The following EPSTI1 variants were observed in gnomAD, a reference collection of about 807,000 sequenced individuals.
The protein encoded by EPSTI1 is epithelial-stromal interaction protein 1.
EPSTI1 carries 66 observed loss-of-function variants against 49.9 expected under a neutral mutation model. The observed-to-expected ratio is 1.32, with a 90% CI of 1.08 to 1.62. The LOEUF (loss-of-function observed/expected upper bound fraction) is 1.62, where lower values mean the gene tolerates loss of function less well. Among genes scored for constraint, EPSTI1 ranks in the 40% most tolerant of loss-of-function variants. EPSTI1 has a pLI of 0.00. For missense variants in EPSTI1, 394 were observed against 365.5 expected (o/e 1.08, Z -0.64); for synonymous variants, 137 against 130.7 (o/e 1.05, Z -0.33).
At chr13:42,985,698 C>A (rs1399819046) in intron 1 of EPSTI1, among the ~76,000 whole-genome samples, 2 of 152,150 alleles carry the variant, frequency 1.3e-5, no homozygotes, top group African/African-American at 2.4e-5. Flanking sequence ...AGCACTAAAA[C>A]CATCCCAAGA....
intron 6 of EPSTI1, among the ~76,000 whole-genome samples, chr13:42,931,691 A>G (rs893312120): frequency 2.0e-5 from 3 of 152,074 alleles, no homozygotes; most frequent in African/African-American, 7.2e-5. Context: ...GGGATACTAT[A>G]TTTTGTTCTG....
intron 7 of EPSTI1, among the ~76,000 whole-genome samples, chr13:42,923,937 T>A (rs1014818867): frequency 6.6e-6 from 1 of 152,222 alleles, no homozygotes; most frequent in African/African-American, 2.4e-5. Flanking sequence ...AAAATTAAAG[T>A]ATTAAAAATT....
intron 1 of EPSTI1, among the ~76,000 whole-genome samples, chr13:42,988,608 G>A (rs924820216): frequency 5.3e-5 from 8 of 152,094 alleles, no homozygotes; most frequent in African/African-American, 1.9e-4. Flanking sequence ...GCATGTGCCT[G>A]TGGTACCAGC....
chr13:42,925,532 A>C (rs541637247), intron 7 of EPSTI1, among the ~76,000 whole-genome samples: 140 of 152,298 alleles, frequency 9.2e-4, no homozygotes, highest in Non-Finnish European at 1.6e-3. Flanking sequence ...ATCCTGCAGT[A>C]ATCAAGACAA....
intron 10 of EPSTI1, among the ~76,000 whole-genome samples, chr13:42,891,008 G>C (rs2153407722): frequency 6.6e-6 from 1 of 152,182 alleles, no homozygotes; most frequent in African/African-American, 2.4e-5. Flanking sequence ...ATCGTATGGA[G>C]TTTCTTTTAT....
intron 6 of EPSTI1, among the ~76,000 whole-genome samples, chr13:42,932,020 G>A (rs2038393125): frequency 6.6e-6 from 1 of 152,140 alleles, no homozygotes; most frequent in Non-Finnish European, 1.5e-5. Context: ...CTGGACAGCA[G>A]CCTTGACCTC....
At chr13:42,926,496 T>C (rs553620353) in intron 6 of EPSTI1, 67 bp from the exon 7 acceptor site, 14 of 902,312 alleles carry the variant, frequency 1.6e-5, no homozygotes, top group South Asian at 2.6e-5. Context: ...TATTTTTCCT[T>C]TGGATACTAA....
intron 9 of EPSTI1, among the ~76,000 whole-genome samples, chr13:42,895,535 A>T (rs1164438273): frequency 6.6e-6 from 1 of 152,194 alleles, no homozygotes; most frequent in Non-Finnish European, 1.5e-5. Context: ...TGTCCTTCCT[A>T]TATTCCCTGC....
chr13:42,953,517 A>G (rs774139242), intron 6 of EPSTI1, among the ~76,000 whole-genome samples: 2 of 152,240 alleles, frequency 1.3e-5, no homozygotes, highest in Non-Finnish European at 2.9e-5. Context: ...TTTGCCAATA[A>G]CTACTAAATG....
intron 10 of EPSTI1, 79 bp from the exon 11 acceptor site, chr13:42,888,581 T>C (rs2036933336): frequency 6.9e-7 from 1 of 1,453,466 alleles, no homozygotes; most frequent in African/African-American, 1.4e-5. Context: ...ATGAAGTTCC[T>C]GCAAAGAACG....
At chr13:42,970,958 G>A (rs1375726696) in intron 1 of EPSTI1, among the ~76,000 whole-genome samples, 1 of 152,186 alleles carries the variant, frequency 6.6e-6, no homozygotes, top group East Asian at 1.9e-4. Context: ...CCTCTAGGTG[G>A]TGCTTGTGAG....
At chr13:42,916,883 G>A (rs566236266) in intron 8 of EPSTI1, among the ~76,000 whole-genome samples, 5 of 152,078 alleles carry the variant, frequency 3.3e-5, no homozygotes, top group Non-Finnish European at 5.9e-5. Context: ...CTCATTTCAT[G>A]CTGAGCAGCT....
rs1823250870 is a variant in EPSTI1 at position 42,917,616 on chromosome 13, G to T, written c.666C>A (p.Ser222Arg). The T allele has an allele frequency of 2.4e-6, 2 of 830,542 alleles. No individual in the cohort carries two copies. The highest frequency in any genetic ancestry group is 3.8e-6 in the Non-Finnish European group (2 of 532,688). The allele number at this position is 830,542 out of a possible 1,614,324, so 51.4% of individuals were successfully genotyped here. A position where few individuals can be genotyped will look rare whatever the true frequency, so the allele number is the denominator to read the frequency against. Reference protein sequence around the residue: ...CGPQSSTWARSWAYRDSLKAE... With the variant: ...CGPQSSTWARRWAYRDSLKAE... ...CCTTTAGAGAATCTCTGTAAGCCCA[G>T]CTTCTGGCCTGTAAAGGTACAAAGA... is the stretch of plus-strand genomic sequence containing the variant. The change falls in exon 8 of 11, where the codon AGC (serine) becomes AGA (arginine). Residue 222 changes from serine (S) to arginine (R), a missense_variant. Physicochemically the swap from Ser to Arg is moderately radical, Grantham distance 110 (BLOSUM62 -1). Transcript: ENST00000313624.
At chr13:42,952,704 A>T (rs1283557298) in intron 6 of EPSTI1, among the ~76,000 whole-genome samples, 1 of 152,190 alleles carries the variant, frequency 6.6e-6, no homozygotes, top group Admixed American at 6.5e-5. Flanking sequence ...GGATGACATC[A>T]CTTACCAACA....
At chr13:42,935,840 C>A (rs947350458) in intron 6 of EPSTI1, among the ~76,000 whole-genome samples, 1 of 152,146 alleles carries the variant, frequency 6.6e-6, no homozygotes, top group African/African-American at 2.4e-5. Context: ...GATCCACCTG[C>A]CTCAGCCTCC....
chr13:42,901,940 C>T (rs1282385089), intron 8 of EPSTI1, among the ~76,000 whole-genome samples: 1 of 149,452 alleles, frequency 6.7e-6, no homozygotes, highest in African/African-American at 2.5e-5. Flanking sequence ...ACAACAGTCC[C>T]CAGAGTGTGA....
At chr13:42,888,543 A>C (rs1434007634) in intron 10 of EPSTI1, 41 bp from the exon 11 acceptor site, 3 of 1,569,592 alleles carry the variant, frequency 1.9e-6, no homozygotes, top group Non-Finnish European at 2.6e-6. Context: ...AAGCAGCAAA[A>C]TAAAATTCAA....
Position 42,900,328 on chromosome 13 carries a change from T to C in EPSTI1, c.797A>G (p.His266Arg), listed in dbSNP as rs1335910851. Residue 266 changes from histidine (H) to arginine (R), a missense_variant, in exon 9 of 11, where the codon CAC becomes CGC. Transcript: ENST00000313624. ...GTTTTACCTCCTGTGTTCAGTCTGGTGGATTTTGGCTCTTTCTTGCTCTTG... is the reference window on the plus strand; with the variant it reads ...GTTTTACCTCCTGTGTTCAGTCTGGCGGATTTTGGCTCTTTCTTGCTCTTG... ...QQQEQERAKI[H>R]QTEHRRVNNA... 6 of 1,613,618 alleles carry C rather than the reference T, an allele frequency of 3.7e-6. No homozygotes were observed. The highest frequency in any genetic ancestry group is 1.6e-4 in the Middle Eastern group (1 of 6,082).
In EPSTI1 at chr13:42,900,236, T is replaced by G. The variant is rs190859494; in HGVS notation, c.815+74A>C. ...CATATTAATAATGTTATCGTAATGC[T>G]TTCCTAAAACACTGTACAAACTTTC... On this transcript the variant is annotated intron_variant, in intron 9 of 10. Transcript: ENST00000313624. 430 of 1,329,152 alleles carry G rather than the reference T, an allele frequency of 3.2e-4. 3 individuals carry two copies. The African/African-American group carries it at 5.3e-3, about 16-fold the overall frequency. 82.3% of individuals were successfully genotyped at this position (1,329,152 alleles called of 1,614,324 possible).
Sources: allele counts gnomAD v4.1 joint callset (sites outside exome capture counted in the v4.1 genomes callset), GRCh38; gene constraint gnomAD v4.1.1; transcripts MANE v1.5; gene names NCBI Gene and HGNC (gene_info 2026-07-23, HGNC 2026-07-21).